CENPE: variants seen among roughly 807,000 people sequenced by gnomAD.
CENPE encodes centromere-associated protein E.
Under a neutral mutation model 336.1 loss-of-function variants are expected in CENPE, and 145 were observed. The observed-to-expected ratio is 0.43, with a 90% CI of 0.38 to 0.50. The LOEUF (loss-of-function observed/expected upper bound fraction) is 0.50, where lower values mean the gene tolerates loss of function less well. Ranked by LOEUF, CENPE falls within the 20% of genes least tolerant of loss-of-function variation. The probability of loss-of-function intolerance (pLI) is 0.00; values close to 1 mark genes in which losing one functional copy is unlikely to be tolerated. For missense variants in CENPE, 2,719 were observed against 3,023.3 expected (o/e 0.90, Z 2.36); for synonymous variants, 1,013 against 984.8 (o/e 1.03, Z -0.54).
Position 103,185,820 on chromosome 4 carries a change from T to G in CENPE, c.735A>C (p.Thr245=). 6.2e-7 allele frequency: 1 copy of G among 1,608,980 alleles called. No homozygotes were observed. Residue 245 remains threonine, a synonymous_variant, in exon 9 of 49, where the codon ACA becomes ACC. Transcript: ENST00000265148. ...ATGAGTTTTAATTACCTGCAGCGCCTGTTTGAGCAGCTCTTTCACTGCCTG... is the reference window on the plus strand; with the variant it reads ...ATGAGTTTTAATTACCTGCAGCGCCGGTTTGAGCAGCTCTTTCACTGCCTG... ...DLAGSERAAQ[T]GAAGVRLKEG...
intron 8 of CENPE, among the ~76,000 whole-genome samples, chr4:103,190,455 A>G (rs1051543739): frequency 2.0e-5 from 3 of 152,200 alleles, no homozygotes; most frequent in Admixed American, 1.3e-4. Context: ...ATATAGACCA[A>G]TGGAAAGGAA....
At chr4:103,184,827 C>T (rs2126029300) in intron 9 of CENPE, among the ~76,000 whole-genome samples, 1 of 152,210 alleles carries the variant, frequency 6.6e-6, no homozygotes, top group East Asian at 1.9e-4. Flanking sequence ...TGTTTCCATA[C>T]AAATTTTAAA....
At chr4:103,108,147 G>A (rs1376952020) in intron 48 of CENPE, among the ~76,000 whole-genome samples, 2 of 151,890 alleles carry the variant, frequency 1.3e-5, no homozygotes, top group Admixed American at 1.3e-4. Flanking sequence ...GATAACTCAT[G>A]TTAACCTTTT....
intron 16 of CENPE, among the ~76,000 whole-genome samples, chr4:103,166,545 A>G (rs964354660): frequency 6.6e-6 from 1 of 152,218 alleles, no homozygotes; most frequent in Non-Finnish European, 1.5e-5. Flanking sequence ...CTATGAAATA[A>G]AGCAATAATT....
At chr4:103,184,617 C>T (rs913058465) in intron 9 of CENPE, among the ~76,000 whole-genome samples, 3 of 152,030 alleles carry the variant, frequency 2.0e-5, no homozygotes, top group East Asian at 1.9e-4. Context: ...TTTGAAGGAC[C>T]ATCTTTATTG....
intron 24 of CENPE, 46 bp downstream of exon 24, chr4:103,158,254 G>C: frequency 7.0e-7 from 1 of 1,419,814 alleles, no homozygotes; most frequent in Non-Finnish European, 9.6e-7. Flanking sequence ...AGGTTAAAGA[G>C]TATATATACA....
intron 18 of CENPE, among the ~76,000 whole-genome samples, chr4:103,162,002 C>A (rs191285481): frequency 6.6e-6 from 1 of 151,938 alleles, no homozygotes; most frequent in East Asian, 1.9e-4. Flanking sequence ...TATATGAAAT[C>A]AATGATATGT....
chr4:103,124,768 T>G (rs1750946583), intron 42 of CENPE, among the ~76,000 whole-genome samples: 1 of 152,212 alleles, frequency 6.6e-6, no homozygotes, highest in South Asian at 2.1e-4. Flanking sequence ...CCCTAACTTC[T>G]TTGTGGCTTT....
chr4:103,147,923 A>G lies in CENPE; in HGVS notation c.3844-277T>C, dbSNP rs573617954. Among the ~76,000 whole-genome samples, 3 of 152,112 alleles carry G rather than the reference A, an allele frequency of 2.0e-5. No individual in the cohort carries two copies. The South Asian group carries it at 6.3e-4, about 32-fold the overall frequency. On this transcript the variant is annotated intron_variant, in intron 28 of 48. Coordinates refer to ENST00000265148, the MANE Select transcript of CENPE (RefSeq NM_001813.3). ...TGGCCAGGCTGGTCTCAAACTCCTG[A>G]CCTCAGGTGATCTGCCTGCCTTGGC... is the stretch of plus-strand genomic sequence containing the variant.
chr4:103,179,456 T>C (rs942016268), intron 13 of CENPE, among the ~76,000 whole-genome samples: 1 of 152,212 alleles, frequency 6.6e-6, no homozygotes, highest in Non-Finnish European at 1.5e-5. Context: ...TAGGTCTCTT[T>C]TGAAACATTC....
chr4:103,118,362 T>C (rs1750322160), intron 44 of CENPE, among the ~76,000 whole-genome samples: 2 of 152,356 alleles, frequency 1.3e-5, no homozygotes, highest in South Asian at 4.1e-4. Context: ...CTGGGTCTTT[T>C]GCCAATTTTA....
chr4:103,145,358 T>G (rs1202569776), intron 31 of CENPE, 24 bp from the exon 32 acceptor site: 5 of 1,440,050 alleles, frequency 3.5e-6, no homozygotes, highest in Non-Finnish European at 4.8e-6. Context: ...ATAAAATAAG[T>G]TAATAGTCAT....
Position 103,181,421 on chromosome 4 carries a change from A to C in CENPE, c.999T>G (p.Pro333=). The part of the protein sequence containing the change: ...ASTAKYMKNT[P]YVNEVSTDEA... ...CATCAGTTGATACCTCATTAACATA[A>C]GGAGTATTCTTCATATATTTAGCAG... Residue 333 remains proline (P), a synonymous_variant, in exon 12 of 49, where the codon CCT becomes CCG. Transcript: ENST00000265148. The C allele has an allele frequency of 1.3e-5, 21 of 1,574,834 alleles. No homozygotes were observed. The highest frequency in any genetic ancestry group is 1.7e-5 in the Non-Finnish European group (20 of 1,161,922).
intron 35 of CENPE, 64 bp downstream of exon 35, chr4:103,141,686 T>A (rs1259383203): frequency 7.6e-6 from 9 of 1,186,310 alleles, no homozygotes; most frequent in Non-Finnish European, 1.1e-5. Context: ...CCATTTTATA[T>A]CCCCAACAAT....
intron 21 of CENPE, among the ~76,000 whole-genome samples, chr4:103,160,081 A>C (rs901178492): frequency 2.6e-5 from 4 of 151,950 alleles, no homozygotes; most frequent in Admixed American, 2.6e-4. Context: ...CGAGTAAATG[A>C]AATAATGTTT....
intron 11 of CENPE, among the ~76,000 whole-genome samples, chr4:103,182,250 T>G (rs184523232): frequency 2.6e-5 from 4 of 152,226 alleles, no homozygotes; most frequent in African/African-American, 7.2e-5. Context: ...TGCTACCACA[T>G]CTGGCTAATT....
At position 103,176,068 on chromosome 4, in the gene CENPE, A is replaced by G; in HGVS notation, c.1391-20T>C. ...AGACAGCTATAATTAGAGAAAAAAA[A>G]AATTTGTCCATGAACATGTTTACCA... On this transcript the variant is annotated intron_variant, in intron 14 of 48. Coordinates refer to ENST00000265148, the MANE Select transcript of CENPE (RefSeq NM_001813.3). 6.7e-7 allele frequency: 1 copy of G among 1,481,518 alleles called. No homozygotes were observed. The allele number at this position is 1,481,518 out of a possible 1,614,324, so 91.8% of individuals were successfully genotyped here. A position where few individuals can be genotyped will look rare whatever the true frequency, so the allele number is the denominator to read the frequency against.
chr4:103,128,260 A>G (rs1480295635), intron 42 of CENPE, among the ~76,000 whole-genome samples: 1 of 152,182 alleles, frequency 6.6e-6, no homozygotes, highest in Non-Finnish European at 1.5e-5. Flanking sequence ...AAAACGCATT[A>G]AAATACTTGA....
intron 9 of CENPE, among the ~76,000 whole-genome samples, chr4:103,184,539 T>C (rs1227031100): frequency 6.6e-6 from 1 of 152,218 alleles, no homozygotes; most frequent in Non-Finnish European, 1.5e-5. Flanking sequence ...GTATGATATA[T>C]GGATCCGACT....
Sources: allele counts gnomAD v4.1 joint callset (sites outside exome capture counted in the v4.1 genomes callset), GRCh38; gene constraint gnomAD v4.1.1; transcripts MANE v1.5; gene names NCBI Gene and HGNC (gene_info 2026-07-23, HGNC 2026-07-21).